The following RCAN1 variants were observed in gnomAD, a reference collection of about 807,000 sequenced individuals.
RCAN1 encodes regulator of calcineurin 1, also known as calcipressin-1.
Under a neutral mutation model 22.9 loss-of-function variants are expected in RCAN1, and 11 were observed. The ratio of observed to expected loss-of-function variants is 0.48; its 90% CI spans 0.30 to 0.79. RCAN1 has a LOEUF of 0.79. RCAN1 is among the 30% of genes least tolerant of loss of function. RCAN1 has a pLI of 0.06. For synonymous variants in RCAN1, 136 were observed against 142.3 expected, an observed-to-expected ratio of 0.96 and a Z score of 0.32; for missense variants, 291 against 337.8, an observed-to-expected ratio of 0.86 and a Z score of 1.09.
chr21:34,556,449 A>ATAATAATAG (rs1241733467), intron 1 of RCAN1, among the ~76,000 whole-genome samples: 4 of 150,540 alleles, frequency 2.7e-5, no homozygotes, highest in African/African-American at 9.7e-5. Context: ...AATAATAATA[A>ATAATAATAG]TAATAATAAT....
intron 1 of RCAN1, among the ~76,000 whole-genome samples, chr21:34,569,279 A>G (rs7278421): frequency 0.13 from 20,479 of 152,196 alleles, 1,478 homozygotes; most frequent in South Asian, 0.17. Context: ...AATGCCTTCC[A>G]GCACTAAACA....
At chr21:34,601,684 G>C (rs1048624335) in intron 1 of RCAN1, among the ~76,000 whole-genome samples, 2 of 152,096 alleles carry the variant, frequency 1.3e-5, no homozygotes, top group East Asian at 1.9e-4. Context: ...CAGGCGTGGT[G>C]GTGGGCGCCT....
In RCAN1 at chr21:34,614,850, GCAGT is replaced by G; in HGVS notation, c.158_161del (p.Asp53AlafsTer58). 6.8e-7 allele frequency: 1 copy of G among 1,479,124 alleles called. No individual in the cohort carries two copies. The highest frequency in any genetic ancestry group is 1.2e-5 in the South Asian group (1 of 80,648). The allele number at this position is 1,479,124 out of a possible 1,614,324, so 91.6% of individuals were successfully genotyped here. A position where few individuals can be genotyped will look rare whatever the true frequency, so the allele number is the denominator to read the frequency against. On this transcript the variant is annotated frameshift_variant, in exon 1 of 4. Transcript: ENST00000313806. LOFTEE classifies it high-confidence loss of function. The surrounding 1 kb of genome is among the most constrained non-coding windows in gnomAD (Gnocchi z 6.0). ...CCTGCAGGTCCACCTCCTCCATCTC[GCAGT>G]CAATGAAGCTCCAGTCGCCGCCGCC... is the stretch of plus-strand genomic sequence containing the variant.
intron 1 of RCAN1, among the ~76,000 whole-genome samples, chr21:34,558,492 G>A (rs909227315): frequency 1.4e-4 from 22 of 152,168 alleles, no homozygotes; most frequent in African/African-American, 4.1e-4. Flanking sequence ...AGAAGAAAAC[G>A]TTCATCATTG....
At chr21:34,549,929 T>C (rs1986302808) in intron 1 of RCAN1, among the ~76,000 whole-genome samples, 1 of 152,002 alleles carries the variant, frequency 6.6e-6, no homozygotes, top group Admixed American at 6.5e-5. Context: ...CCAGGTGAAG[T>C]TCTGAGGCCC....
chr21:34,569,720 G>A (rs962502627), intron 1 of RCAN1, among the ~76,000 whole-genome samples: 1 of 152,228 alleles, frequency 6.6e-6, no homozygotes. Flanking sequence ...CTGTGTGCCA[G>A]CAACTGTGCT....
intron 1 of RCAN1, among the ~76,000 whole-genome samples, chr21:34,538,876 C>T (rs547237312): frequency 2.4e-4 from 36 of 152,248 alleles, no homozygotes; most frequent in Admixed American, 3.3e-4. Flanking sequence ...GTGACCAGTG[C>T]ACCGACCAGC....
chr21:34,577,913 C>T (rs1347110439), intron 1 of RCAN1, among the ~76,000 whole-genome samples: 1 of 152,178 alleles, frequency 6.6e-6, no homozygotes, highest in African/African-American at 2.4e-5. Flanking sequence ...AGAGGGGCAG[C>T]AAGTTCAGGA....
rs149404815 is a variant in RCAN1, at chr21:34,536,142, G to A, written c.253-12432C>T. Among the ~76,000 whole-genome samples the A allele has an allele frequency of 2.1e-3, 319 of 152,230 alleles. 1 individual carries two copies. Among genetic ancestry groups the A allele is most frequent in the African/African-American group, 7.4e-3 (309 of 41,520 alleles). On this transcript the variant is annotated intron_variant, in intron 1 of 3. Coordinates refer to ENST00000313806, the MANE Select transcript of RCAN1 (RefSeq NM_004414.7). The stretch of plus-strand genomic sequence containing the variant: ...GTAACTTCTTGGAAACGCACTGCTT[G>A]CAATGTTTAAGATGAAAAAATAGCC...
chr21:34,593,032 T>G (rs1054395982), intron 1 of RCAN1, among the ~76,000 whole-genome samples: 17 of 152,198 alleles, frequency 1.1e-4, no homozygotes, highest in Non-Finnish European at 2.4e-4. Context: ...AGTGCAGTAT[T>G]AAAAATTACT....
intron 1 of RCAN1, among the ~76,000 whole-genome samples, chr21:34,538,309 T>C (rs1397587982): frequency 1.3e-5 from 2 of 152,164 alleles, no homozygotes; most frequent in African/African-American, 2.4e-5. Flanking sequence ...TTTTATTCCT[T>C]ATGTTGAAAA....
intron 1 of RCAN1, among the ~76,000 whole-genome samples, chr21:34,589,710 G>C (rs908209467): frequency 4.4e-5 from 2 of 45,488 alleles, no homozygotes; most frequent in South Asian, 5.1e-4. Context: ...GAGAACAAAA[G>C]GGGGGAGTCT....
chr21:34,521,736 C>A, intron 2 of RCAN1, 78 bp from the exon 3 acceptor site: 2 of 1,234,352 alleles, frequency 1.6e-6, no homozygotes, highest in Non-Finnish European at 2.3e-6. Flanking sequence ...AACGCCAGTT[C>A]CGGGAGATGG....
At chr21:34,527,128 C>A (rs1985113824) in intron 1 of RCAN1, among the ~76,000 whole-genome samples, 1 of 152,200 alleles carries the variant, frequency 6.6e-6, no homozygotes, top group Non-Finnish European at 1.5e-5. Context: ...GGTAGTAATT[C>A]CATTCAGCTA....
At chr21:34,538,143 AG>A (rs1383617241) in intron 1 of RCAN1, among the ~76,000 whole-genome samples, 8 of 152,254 alleles carry the variant, frequency 5.3e-5, no homozygotes, top group Non-Finnish European at 1.0e-4. Flanking sequence ...AGGCAAAAAA[AG>A]TTTTGTCAGG....
intron 1 of RCAN1, among the ~76,000 whole-genome samples, chr21:34,613,552 C>T (rs948638038): frequency 2.6e-5 from 4 of 152,180 alleles, no homozygotes; most frequent in Non-Finnish European, 4.4e-5. Flanking sequence ...GTGACTTGAC[C>T]TTGTTCTAGC....
chr21:34,520,017 A>G (rs1351509199), intron 3 of RCAN1, among the ~76,000 whole-genome samples: 1 of 152,162 alleles, frequency 6.6e-6, no homozygotes, highest in Non-Finnish European at 1.5e-5. Context: ...ACCTCTTTGC[A>G]AGTCTCTTAT....
At chr21:34,532,432 G>T (rs1229874200) in intron 1 of RCAN1, among the ~76,000 whole-genome samples, 1 of 152,232 alleles carries the variant, frequency 6.6e-6, no homozygotes, top group Admixed American at 6.5e-5. Flanking sequence ...TCTGTCTCCA[G>T]CACCGTGCTC....
chr21:34,561,408 TC>T (rs1227137849), intron 1 of RCAN1, among the ~76,000 whole-genome samples: 2 of 152,176 alleles, frequency 1.3e-5, no homozygotes, highest in Admixed American at 1.3e-4. Flanking sequence ...GGGAAAATGA[TC>T]CCAAAAGTGT....
Sources: gnomAD v4.1 joint callset for allele counts (sites outside exome capture counted in the v4.1 genomes callset) on GRCh38, gnomAD v4.1.1 for gene constraint, Gnocchi (gnomAD v3.1) non-coding constraint, MANE v1.5 for transcripts, NCBI Gene and HGNC (gene_info 2026-07-23, HGNC 2026-07-21) for gene names.